The following LMX1B variants were observed in gnomAD, a reference collection of about 807,000 sequenced individuals.
LMX1B encodes the protein LIM homeobox transcription factor 1 beta, also known as LIM homeobox transcription factor 1-beta.
LMX1B carries 12 observed loss-of-function variants against 51.4 expected under a neutral mutation model. The ratio of observed to expected loss-of-function variants is 0.23; its 90% CI spans 0.15 to 0.38. The LOEUF (loss-of-function observed/expected upper bound fraction) is 0.38. Ranked by LOEUF, LMX1B falls within the 10% of genes least tolerant of loss-of-function variation. The pLI is 1.00. For synonymous variants in LMX1B, 237 were observed against 235.4 expected (o/e 1.01, Z -0.06); for missense variants, 445 against 571.1 (o/e 0.78, Z 2.25).
intron 2 of LMX1B, among the ~76,000 whole-genome samples, chr9:126,689,327 A>G (rs2030026454): frequency 6.6e-6 from 1 of 152,214 alleles, no homozygotes; most frequent in South Asian, 2.1e-4. Flanking sequence ...GAAGGGAGGC[A>G]GGCGAGTGCC....
intron 2 of LMX1B, among the ~76,000 whole-genome samples, chr9:126,650,006 C>T (rs1310458970): frequency 6.6e-6 from 1 of 152,210 alleles, no homozygotes; most frequent in Non-Finnish European, 1.5e-5. Context: ...AAGCTTGGCA[C>T]CTGCTGTGCC....
intron 2 of LMX1B, among the ~76,000 whole-genome samples, chr9:126,685,563 G>GT (rs1314909444): frequency 6.6e-6 from 1 of 152,188 alleles, no homozygotes; most frequent in African/African-American, 2.4e-5. Context: ...GCTGGACAGG[G>GT]TTGCCTTGAG....
chr9:126,614,279 C>G lies in LMX1B; in HGVS notation c.-171C>G, dbSNP rs1312221990. Among the ~76,000 whole-genome samples, 1 of 145,094 alleles carries G rather than the reference C, an allele frequency of 6.9e-6. No homozygotes were observed. The highest frequency in any genetic ancestry group is 1.5e-5 in the Non-Finnish European group (1 of 65,414). On this transcript the variant is annotated 5_prime_UTR_variant, in exon 1 of 8. Transcript: ENST00000373474. ...CCGCCCCGGCCCGCCCGCACGACGCCGGGGCCCGGGGCCAGCGCGTCGCCG... is the reference window on the plus strand; with the variant it reads ...CCGCCCCGGCCCGCCCGCACGACGCGGGGGCCCGGGGCCAGCGCGTCGCCG...
chr9:126,699,683 C>T lies in LMX1B; in HGVS notation c.*3232C>T, dbSNP rs1245816391. 1 of 152,280 alleles carries T rather than the reference C, an allele frequency of 6.6e-6. No individual in the cohort carries two copies. Among genetic ancestry groups the T allele is most frequent in the African/African-American group, 2.4e-5 (1 of 41,452 alleles). The allele number at this position is 152,280 out of a possible 1,614,324, so 9.4% of individuals were successfully genotyped here. A position where few individuals can be genotyped will look rare whatever the true frequency, so the allele number is the denominator to read the frequency against. On this transcript the variant is annotated 3_prime_UTR_variant, in exon 8 of 8. Coordinates refer to ENST00000373474, the MANE Select transcript of LMX1B (RefSeq NM_001174147.2). The stretch of plus-strand genomic sequence containing the variant: ...TGTCTCCTAGAAGGAAAGCCAGACT[C>T]TCCGGCCCAGCCAGAGAGTCCAGAC...
intron 2 of LMX1B, among the ~76,000 whole-genome samples, chr9:126,661,264 C>T (rs998836439): frequency 6.6e-6 from 1 of 150,904 alleles, no homozygotes; most frequent in African/African-American, 2.4e-5. Context: ...CCCAGGCCAG[C>T]GTGGACGCCC....
intron 2 of LMX1B, among the ~76,000 whole-genome samples, chr9:126,616,930 GT>G (rs1835314265): frequency 6.6e-6 from 1 of 152,240 alleles, no homozygotes; most frequent in African/African-American, 2.4e-5. Context: ...GGATCTTTGG[GT>G]AGGGATTGGA....
chr9:126,617,725 T>C (rs538391740), intron 2 of LMX1B, among the ~76,000 whole-genome samples: 1 of 152,104 alleles, frequency 6.6e-6, no homozygotes, highest in South Asian at 2.1e-4. Flanking sequence ...TTGAGAATGA[T>C]TTTTGGCACA....
intron 2 of LMX1B, among the ~76,000 whole-genome samples, chr9:126,657,986 C>G (rs945418770): frequency 1.3e-5 from 2 of 152,130 alleles, no homozygotes; most frequent in African/African-American, 4.8e-5. Flanking sequence ...GTCCAGTGAT[C>G]AGAGTTTCCA....
intron 2 of LMX1B, among the ~76,000 whole-genome samples, chr9:126,623,454 C>T (rs1428929384): frequency 6.6e-6 from 1 of 152,218 alleles, no homozygotes; most frequent in Non-Finnish European, 1.5e-5. Context: ...AGTTCACTGT[C>T]TGTACCGTCC....
In LMX1B at chr9:126,639,274, G is replaced by A. The variant is rs540556838; in HGVS notation, c.326+23705G>A. 2.1e-3 allele frequency among the ~76,000 whole-genome samples: 318 copies of A among 152,320 alleles called. 1 individual carries two copies. Among genetic ancestry groups the A allele is most frequent in the Non-Finnish European group, 4.0e-3 (271 of 68,018 alleles). On this transcript the variant is annotated intron_variant, in intron 2 of 7. Coordinates refer to ENST00000373474, the MANE Select transcript of LMX1B (RefSeq NM_001174147.2). ...TGGCGCTGGGGTCCCGCTTTGCCGG[G>A]TGAGGGTCCCTCTGCATCCTGGGGC...
intron 2 of LMX1B, among the ~76,000 whole-genome samples, chr9:126,628,890 C>T (rs948700105): frequency 3.3e-5 from 5 of 151,790 alleles, no homozygotes; most frequent in Admixed American, 2.6e-4. Flanking sequence ...TCTCTGCTTG[C>T]GACGCAAATT....
chr9:126,670,403 G>A (rs758295847), intron 2 of LMX1B, among the ~76,000 whole-genome samples: 3 of 152,236 alleles, frequency 2.0e-5, no homozygotes, highest in African/African-American at 4.8e-5. Flanking sequence ...TCCTTGGTGC[G>A]TATGAGCATG....
At chr9:126,676,888 G>C (rs1473971809) in intron 2 of LMX1B, among the ~76,000 whole-genome samples, 1 of 152,180 alleles carries the variant, frequency 6.6e-6, no homozygotes, top group South Asian at 2.1e-4. Context: ...AAATGACTGC[G>C]GGCGATTAGC....
In LMX1B at chr9:126,626,329, G is replaced by A. The variant is rs1421656384; in HGVS notation, c.326+10760G>A. 6.6e-6 allele frequency among the ~76,000 whole-genome samples: 1 copy of A among 152,220 alleles called. No individual in the cohort carries two copies. The highest frequency in any genetic ancestry group is 1.5e-5 in the Non-Finnish European group (1 of 68,040). ...GCGACAGGCAAGGACTGTTTTATGG[G>A]GAGGGAGAAGGAGCAGGAAGTGATG... On this transcript the variant is annotated intron_variant, in intron 2 of 7. Transcript: ENST00000373474. This position sits in a 1 kb window ranked among gnomAD's most constrained non-coding sequence, Gnocchi z 4.3.
rs572751023 is a variant in LMX1B at position 126,690,830 on chromosome 9, C to G, written c.327-6C>G. 7 of 1,603,760 alleles carry G rather than the reference C, an allele frequency of 4.4e-6. No homozygotes were observed. Among genetic ancestry groups the G allele is most frequent in the Non-Finnish European group, 5.9e-6 (7 of 1,177,154 alleles). ...CCGCCAACACGCCCGCTTTGTGCAT[C>G]CGCAGGCTCTTCGCGGCCAAGTGCA... is the stretch of plus-strand genomic sequence containing the variant. On this transcript the variant is annotated splice_region_variant and splice_polypyrimidine_tract_variant and intron_variant, in intron 2 of 7. Transcript: ENST00000373474.
chr9:126,680,684 G>A (rs1483978332), intron 2 of LMX1B, among the ~76,000 whole-genome samples: 1 of 152,122 alleles, frequency 6.6e-6, no homozygotes, highest in African/African-American at 2.4e-5. Context: ...CCTGGCTCAT[G>A]GTAGGTGCCG....
chr9:126,643,344 G>C (rs1835840805), intron 2 of LMX1B, among the ~76,000 whole-genome samples: 1 of 152,166 alleles, frequency 6.6e-6, no homozygotes, highest in African/African-American at 2.4e-5. Context: ...GATAGAGCCA[G>C]CAGAACAGAT....
intron 2 of LMX1B, among the ~76,000 whole-genome samples, chr9:126,666,972 G>A (rs553853140): frequency 9.2e-5 from 14 of 152,120 alleles, no homozygotes; most frequent in Admixed American, 5.9e-4. Context: ...ATGACAAATC[G>A]GTCTCTTTTG....
At chr9:126,654,791 T>C (rs1836081292) in intron 2 of LMX1B, among the ~76,000 whole-genome samples, 1 of 152,132 alleles carries the variant, frequency 6.6e-6, no homozygotes, top group South Asian at 2.1e-4. Flanking sequence ...GAGGGTAGGC[T>C]TGGTATCTCT....
Sources: allele counts gnomAD v4.1 joint callset (sites outside exome capture counted in the v4.1 genomes callset), GRCh38; gene constraint gnomAD v4.1.1; non-coding constraint Gnocchi (gnomAD v3.1); transcripts MANE v1.5; gene names NCBI Gene and HGNC (gene_info 2026-07-23, HGNC 2026-07-21).